NRXN1: variants seen among roughly 807,000 people sequenced by gnomAD.
The protein encoded by NRXN1 is neurexin-1.
A neutral mutation model predicts 150.9 loss-of-function variants in NRXN1; 39 were observed. That is an observed-to-expected ratio of 0.26 (90% CI 0.20 to 0.34). The LOEUF is 0.34. NRXN1 is among the 10% of genes least tolerant of loss of function. NRXN1 has a pLI of 1.00. For synonymous variants in NRXN1, 924 were observed against 757.0 expected (o/e 1.22, Z -3.62); for missense variants, 1,815 against 1,949.9 (o/e 0.93, Z 1.30).
At chr2:50,822,656 C>G (rs986687736) in intron 5 of NRXN1, among the ~76,000 whole-genome samples, 2 of 151,996 alleles carry the variant, frequency 1.3e-5, no homozygotes, top group African/African-American at 2.4e-5. Flanking sequence ...GAATAATATG[C>G]CTTTTAAATT....
At chr2:50,084,748 G>A (rs900860455) in intron 19 of NRXN1, among the ~76,000 whole-genome samples, 3 of 152,074 alleles carry the variant, frequency 2.0e-5, no homozygotes, top group African/African-American at 4.8e-5. Context: ...CTGCTAGCAC[G>A]CTGTCACCTT....
intron 5 of NRXN1, among the ~76,000 whole-genome samples, chr2:50,789,535 A>G (rs576590499): frequency 9.5e-4 from 145 of 152,228 alleles, no homozygotes; most frequent in Non-Finnish European, 1.6e-3. Flanking sequence ...AAAACTGAAA[A>G]TAACAGCAGT....
chr2:50,945,539 G>A (rs939134447), intron 2 of NRXN1, among the ~76,000 whole-genome samples: 1 of 141,196 alleles, frequency 7.1e-6, no homozygotes, highest in Non-Finnish European at 1.5e-5. Flanking sequence ...TATATATATG[G>A]CTATGTTGCA....
chr2:49,962,900 C>T (rs577168691), intron 21 of NRXN1, among the ~76,000 whole-genome samples: 10 of 151,992 alleles, frequency 6.6e-5, no homozygotes, highest in African/African-American at 2.4e-4. Context: ...CAGCAGTGAG[C>T]TATGATCATG....
At chr2:50,567,843 T>G (rs949404260) in intron 8 of NRXN1, among the ~76,000 whole-genome samples, 1 of 152,138 alleles carries the variant, frequency 6.6e-6, no homozygotes, top group South Asian at 2.1e-4. Context: ...GAGTGTTTAG[T>G]CAGACATTCT....
At chr2:50,758,766 A>T (rs1387587860) in intron 5 of NRXN1, among the ~76,000 whole-genome samples, 1 of 151,892 alleles carries the variant, frequency 6.6e-6, no homozygotes, top group African/African-American at 2.4e-5. Context: ...GAAAGCAAAA[A>T]GTAAAAATAA....
At chr2:50,286,637 A>G (rs2072220947) in intron 17 of NRXN1, among the ~76,000 whole-genome samples, 2 of 152,190 alleles carry the variant, frequency 1.3e-5, no homozygotes. Flanking sequence ...ATGATAAACC[A>G]AAACAAACAG....
chr2:50,836,669 A>C (rs2105910625), intron 5 of NRXN1, among the ~76,000 whole-genome samples: 1 of 152,232 alleles, frequency 6.6e-6, no homozygotes, highest in East Asian at 1.9e-4. Flanking sequence ...TTTAAGGCTG[A>C]ATAGTATTTC....
At chr2:50,945,134 A>T (rs761496938) in intron 2 of NRXN1, among the ~76,000 whole-genome samples, 4 of 152,180 alleles carry the variant, frequency 2.6e-5, no homozygotes, top group Non-Finnish European at 5.9e-5. Context: ...TATTGCAGCT[A>T]CTCAACTCTG....
intron 18 of NRXN1, among the ~76,000 whole-genome samples, chr2:50,112,783 A>G (rs1056544705): frequency 6.6e-6 from 1 of 152,210 alleles, no homozygotes; most frequent in African/African-American, 2.4e-5. Context: ...AGAATTACAT[A>G]AGATTAAAAA....
chr2:50,749,105 G>T (rs536520133), intron 5 of NRXN1, among the ~76,000 whole-genome samples: 2 of 151,928 alleles, frequency 1.3e-5, no homozygotes, highest in Admixed American at 1.3e-4. Flanking sequence ...AAACTGAAAC[G>T]TATAAGTCTG....
chr2:50,088,000 T>C lies in NRXN1; in HGVS notation c.3718+3323A>G, dbSNP rs562597392. ...ACCTATATTTTGCAGTACAGGCACT[T>C]TAAAGGAACCATATATAGTCTGCTG... On this transcript the variant is annotated intron_variant, in intron 19 of 22. Coordinates refer to ENST00000401669, the MANE Select transcript of NRXN1 (RefSeq NM_001330078.2). 2.0e-5 allele frequency among the ~76,000 whole-genome samples: 3 copies of C among 152,280 alleles called. No homozygotes were observed. In the East Asian group the frequency reaches 5.8e-4, roughly 29 times the overall value.
chr2:50,691,343 A>G (rs991103139), intron 5 of NRXN1, among the ~76,000 whole-genome samples: 4 of 152,146 alleles, frequency 2.6e-5, no homozygotes, highest in African/African-American at 9.7e-5. Flanking sequence ...ATCTCAGAAT[A>G]GTGTTTTTAG....
intron 17 of NRXN1, among the ~76,000 whole-genome samples, chr2:50,447,817 C>A (rs2086596466): frequency 7.6e-6 from 1 of 132,084 alleles, no homozygotes; most frequent in South Asian, 2.3e-4. Context: ...CTGCTTATGG[C>A]TTCTTCAGTT....
intron 5 of NRXN1, among the ~76,000 whole-genome samples, chr2:50,792,268 T>C (rs148870517): frequency 1.8e-3 from 269 of 152,224 alleles, no homozygotes; most frequent in African/African-American, 6.2e-3. Flanking sequence ...AATTTTACCA[T>C]TAATTGAATA....
In NRXN1 at chr2:50,497,594, G is replaced by A; in HGVS notation, c.2618C>T (p.Thr873Ile). The A allele has an allele frequency of 6.2e-7, 1 of 1,613,944 alleles. No individual in the cohort carries two copies. The highest frequency in any genetic ancestry group is 8.5e-7 in the Non-Finnish European group (1 of 1,179,862). Residue 873 changes from threonine to isoleucine, a missense_variant, in exon 14 of 23, where the codon ACA becomes ATA. Physicochemically the swap from Thr to Ile is moderately conservative, Grantham distance 89. This residue lies in a region of NRXN1 where 638 missense variants were observed against 652.6 expected (regional missense o/e 0.98). Coordinates refer to ENST00000401669, the MANE Select transcript of NRXN1 (RefSeq NM_001330078.2). ...GTCAATGTATGCCATTCCATTAAAT[G>A]TCAAGCTCTGCAGGTGTCCAATGAA... Reference protein sequence around the residue: ...SNFIGHLQSLTFNGMAYIDLC... With the variant: ...SNFIGHLQSLIFNGMAYIDLC...
At chr2:50,239,101 T>C (rs2065749259) in intron 17 of NRXN1, among the ~76,000 whole-genome samples, 1 of 151,864 alleles carries the variant, frequency 6.6e-6, no homozygotes, top group Non-Finnish European at 1.5e-5. Flanking sequence ...AGCTTGTTCA[T>C]CATAATCTTT....
At position 50,374,294 on chromosome 2, in the gene NRXN1, AAAATAAATAAATAAAT is replaced by A. The variant is rs71404951; in HGVS notation, c.3364+91132_3364+91147del. On this transcript the variant is annotated intron_variant, in intron 17 of 22. Coordinates refer to ENST00000401669, the MANE Select transcript of NRXN1 (RefSeq NM_001330078.2). ...GGACAGAGTGAGACTCTGTCTCAAG[AAAATAAATAAATAAAT>A]AAATAAATAAATAAATAAATAAATA... Among the ~76,000 whole-genome samples, 67 of 136,580 alleles carry A rather than the reference AAAATAAATAAATAAAT, an allele frequency of 4.9e-4. 1 individual carries two copies. In the South Asian group the frequency reaches 0.012, roughly 25 times the overall value. 89.6% of individuals were successfully genotyped at this position (136,580 alleles called of 152,430 possible).
intron 17 of NRXN1, among the ~76,000 whole-genome samples, chr2:50,289,621 TATTAGCTATGA>T (rs2072652056): frequency 6.6e-6 from 1 of 152,216 alleles, no homozygotes; most frequent in African/African-American, 2.4e-5. Flanking sequence ...GGCAATTTAC[TATTAGCTATGA>T]ATTTTCAGGT....
Sources: allele counts gnomAD v4.1 joint callset (sites outside exome capture counted in the v4.1 genomes callset), GRCh38; gene constraint gnomAD v4.1.1; regional missense constraint gnomAD v4.1.1; transcripts MANE v1.5; gene names NCBI Gene and HGNC (gene_info 2026-07-23, HGNC 2026-07-21).